The following EHBP1 variants were observed in gnomAD, a reference collection of about 807,000 sequenced individuals.
The protein encoded by EHBP1 is EH domain-binding protein 1.
In EHBP1, 55 loss-of-function variants were observed where a neutral mutation model predicts 144.0. The ratio of observed to expected loss-of-function variants is 0.38; its 90% confidence interval spans 0.31 to 0.48. The LOEUF is 0.48. Among genes scored for constraint, EHBP1 ranks in the 20% least tolerant of loss-of-function variants. The pLI is 0.98. For synonymous variants in EHBP1, 469 were observed against 472.7 expected (o/e 0.99, Z 0.10); for missense variants, 1,200 against 1,364.2 (o/e 0.88, Z 1.90).
intron 11 of EHBP1, among the ~76,000 whole-genome samples, chr2:62,943,500 A>G (rs543949750): frequency 2.0e-5 from 3 of 152,162 alleles, no homozygotes; most frequent in African/African-American, 7.2e-5. Flanking sequence ...AATTCTTTAC[A>G]TTGACAACAA....
intron 9 of EHBP1, among the ~76,000 whole-genome samples, chr2:62,866,627 T>G (rs1318652975): frequency 6.6e-6 from 1 of 152,160 alleles, no homozygotes. Flanking sequence ...GGTTAACCCC[T>G]TGTTAAATAC....
At chr2:62,719,470 A>T (rs988120900) in intron 2 of EHBP1, among the ~76,000 whole-genome samples, 1 of 152,176 alleles carries the variant, frequency 6.6e-6, no homozygotes, top group Admixed American at 6.5e-5. Context: ...AACTGTGCCA[A>T]GGAGCCCAGG....
At chr2:62,688,829 A>C (rs1239191933) in intron 1 of EHBP1, among the ~76,000 whole-genome samples, 2 of 152,088 alleles carry the variant, frequency 1.3e-5, no homozygotes, top group African/African-American at 4.8e-5. Context: ...AAATGAGATC[A>C]TTTTTTTCAT....
chr2:62,680,628 G>A (rs550987465), intron 1 of EHBP1, among the ~76,000 whole-genome samples: 1 of 150,646 alleles, frequency 6.6e-6, no homozygotes, highest in East Asian at 1.9e-4. Context: ...GGAATCTAAT[G>A]AGATCACTGG....
rs955461327 is a variant in EHBP1 at position 63,004,300 on chromosome 2, GTCTTA to G, written c.3103+7539_3103+7543del. ...AAAATGGCTCATAAAAATTTTGTTA[GTCTTA>G]TCTTCTGGGATGAAAGATCTTATGG... On this transcript the variant is annotated intron_variant, in intron 19 of 22. Coordinates refer to ENST00000431489, the MANE Select transcript of EHBP1 (RefSeq NM_001142616.3). Among the ~76,000 whole-genome samples, 13 of 152,092 alleles carry G rather than the reference GTCTTA, an allele frequency of 8.5e-5. No individual in the cohort carries two copies. The South Asian group carries it at 1.5e-3, about 17-fold the overall frequency.
intron 2 of EHBP1, among the ~76,000 whole-genome samples, chr2:62,725,964 G>A (rs1384943762): frequency 2.0e-5 from 3 of 152,050 alleles, no homozygotes; most frequent in African/African-American, 4.8e-5. Flanking sequence ...CAAGGCTTCT[G>A]TGCAAGCAGA....
chr2:62,838,124 C>G (rs1375782134), intron 7 of EHBP1, among the ~76,000 whole-genome samples: 6 of 151,582 alleles, frequency 4.0e-5, no homozygotes, highest in Non-Finnish European at 5.9e-5. Context: ...AAAGAACAGA[C>G]ATTATAACAA....
chr2:62,714,999 T>C (rs1008504741), intron 2 of EHBP1, among the ~76,000 whole-genome samples: 4 of 152,262 alleles, frequency 2.6e-5, no homozygotes, highest in African/African-American at 7.2e-5. Flanking sequence ...AATGTTGGGC[T>C]AAGAAAACTA....
chr2:62,933,701 A>G (rs1436350249), intron 10 of EHBP1, among the ~76,000 whole-genome samples: 2 of 152,188 alleles, frequency 1.3e-5, no homozygotes, highest in Admixed American at 1.3e-4. Flanking sequence ...AAAGTGGGCT[A>G]GTTTCTGAAA....
intron 7 of EHBP1, among the ~76,000 whole-genome samples, chr2:62,848,354 A>G (rs1448589501): frequency 2.0e-5 from 3 of 152,140 alleles, no homozygotes; most frequent in Admixed American, 2.0e-4. Flanking sequence ...AAGTGCTGGG[A>G]TTACAGGTGT....
At chr2:62,767,894 G>A (rs145886451) in intron 4 of EHBP1, among the ~76,000 whole-genome samples, 82 of 150,480 alleles carry the variant, frequency 5.4e-4, no homozygotes, top group African/African-American at 1.9e-3. Flanking sequence ...GCATTTACAT[G>A]GAAATTAAAC....
chr2:62,731,495 G>A (rs2037595075), intron 2 of EHBP1, among the ~76,000 whole-genome samples: 1 of 152,114 alleles, frequency 6.6e-6, no homozygotes, highest in Admixed American at 6.6e-5. Context: ...TGGCAGGAAG[G>A]CATCTAGTTT....
intron 19 of EHBP1, among the ~76,000 whole-genome samples, chr2:63,022,758 C>T (rs1007340683): frequency 9.8e-5 from 15 of 152,294 alleles, no homozygotes; most frequent in African/African-American, 3.6e-4. Flanking sequence ...GTTCCCTATC[C>T]GCACTTGTCA....
At chr2:62,930,954 T>C (rs926899157) in intron 10 of EHBP1, among the ~76,000 whole-genome samples, 2 of 152,030 alleles carry the variant, frequency 1.3e-5, no homozygotes, top group African/African-American at 4.8e-5. Context: ...AAACAAAACA[T>C]TGGATTTGGG....
intron 1 of EHBP1, among the ~76,000 whole-genome samples, chr2:62,681,360 A>ATATATATATATATATATATATATATC (rs1276350365): frequency 3.7e-5 from 1 of 26,676 alleles, no homozygotes; most frequent in African/African-American, 1.9e-4. Context: ...ATATATATAT[A>ATATATATATATATATATATATATATC]ATGTGTATAT....
chr2:62,882,882 C>CA (rs11317874), intron 10 of EHBP1, among the ~76,000 whole-genome samples: 5 of 143,770 alleles, frequency 3.5e-5, no homozygotes, highest in Non-Finnish European at 3.0e-5. Flanking sequence ...AACTCCCTCT[C>CA]AAAAAAAAAA....
chr2:63,000,876 T>C (rs2059822752), intron 19 of EHBP1, among the ~76,000 whole-genome samples: 1 of 152,124 alleles, frequency 6.6e-6, no homozygotes, highest in African/African-American at 2.4e-5. Context: ...ATATTTTAGT[T>C]TCTAGTACTT....
At chr2:62,890,039 G>T (rs2052324897) in intron 10 of EHBP1, among the ~76,000 whole-genome samples, 1 of 144,548 alleles carries the variant, frequency 6.9e-6, no homozygotes, top group Admixed American at 7.2e-5. Flanking sequence ...TTGGCTCACT[G>T]CAACCTCCGC....
intron 10 of EHBP1, among the ~76,000 whole-genome samples, chr2:62,923,810 C>T (rs1284764005): frequency 6.6e-6 from 1 of 152,218 alleles, no homozygotes; most frequent in African/African-American, 2.4e-5. Context: ...TAGCCTTGCA[C>T]CTGTGTACTA....
Sources: allele counts gnomAD v4.1 joint callset (sites outside exome capture counted in the v4.1 genomes callset), GRCh38; gene constraint gnomAD v4.1.1; transcripts MANE v1.5; gene names NCBI Gene and HGNC (gene_info 2026-07-23, HGNC 2026-07-21).